TXNDC5: variants seen among roughly 807,000 people sequenced by gnomAD.
TXNDC5 encodes the protein thioredoxin domain containing 5, also known as thioredoxin domain-containing protein 5.
Under a neutral mutation model 52.6 loss-of-function variants are expected in TXNDC5, and 44 were observed. The observed-to-expected ratio is 0.84, with a 90% CI of 0.66 to 1.08. The LOEUF (loss-of-function observed/expected upper bound fraction) is 1.08, where lower values mean the gene tolerates loss of function less well. TXNDC5 is among the 50% of genes least tolerant of loss of function. The probability of loss-of-function intolerance (pLI) is 0.00; values close to 1 mark genes in which losing one functional copy is unlikely to be tolerated. For synonymous variants in TXNDC5, 241 were observed against 234.4 expected, an observed-to-expected ratio of 1.03 and a Z score of -0.26; for missense variants, 600 against 565.5, an observed-to-expected ratio of 1.06 and a Z score of -0.62.
In TXNDC5 at chr6:7,899,495, C is replaced by A. The variant is rs1760486454; in HGVS notation, c.519+81G>T. 5.8e-6 allele frequency: 6 copies of A among 1,038,952 alleles called. No homozygotes were observed. In the South Asian group the frequency reaches 9.7e-5, roughly 17 times the overall value. The allele number at this position is 1,038,952 out of a possible 1,614,324, so 64.4% of individuals were successfully genotyped here. The stretch of plus-strand genomic sequence containing the variant: ...AATCATTAACCTCAACTGGCCTCTG[C>A]CCCGTTACATATTACCCCAAAGATG... On this transcript the variant is annotated intron_variant, in intron 3 of 9. Coordinates refer to ENST00000379757, the MANE Select transcript of TXNDC5 (RefSeq NM_030810.5).
rs1057414583 is a variant in TXNDC5, at chr6:7,882,522, C to G, written c.*622G>C. On this transcript the variant is annotated 3_prime_UTR_variant, in exon 10 of 10. Transcript: ENST00000379757. ...TGGCATCAGCATTCTCTTACTCAGG[C>G]ACGGTCAGAAGTAACGCTGCTTTCA... 6.6e-6 allele frequency: 1 copy of G among 152,414 alleles called. No homozygotes were observed. The highest frequency in any genetic ancestry group is 1.5e-5 in the Non-Finnish European group (1 of 68,198). The allele number at this position is 152,414 out of a possible 1,614,324, so 9.4% of individuals were successfully genotyped here.
At position 7,891,678 on chromosome 6, in the gene TXNDC5, T is replaced by C; in HGVS notation, c.675A>G (p.Pro225=). Residue 225 remains proline (P), a synonymous_variant, in exon 5 of 10, where the codon CCA becomes CCG. Transcript: ENST00000379757. ...PWCGHCKALA[P]TWEQLALGLE... is the part of the protein sequence containing the mutation. The stretch of plus-strand genomic sequence containing the variant: ...GGCCCAGAGCCAGCTGCTCCCAGGT[T>C]GGAGCCAGGGCTTTGCAGTGACCAC... 6.2e-7 allele frequency: 1 copy of C among 1,614,032 alleles called. No homozygotes were observed.
chr6:7,907,612 C>T (rs955007511), intron 1 of TXNDC5, among the ~76,000 whole-genome samples: 12 of 152,322 alleles, frequency 7.9e-5, no homozygotes, highest in Admixed American at 7.8e-4. Context: ...CACCACTCCA[C>T]GGCAGCTGAA....
chr6:7,881,636 CTTGACAG>C lies in TXNDC5; in HGVS notation c.*1501_*1507del, dbSNP rs1017466802. Reference sequence around the variant, plus strand: ...AAGCTGAAGTTGTGTGTACAAGACTCTTGACAGTTGTGCTTCTCTAGGAGGTTGGGTT... The same window carrying C: ...AAGCTGAAGTTGTGTGTACAAGACTCTTGTGCTTCTCTAGGAGGTTGGGTT... On this transcript the variant is annotated 3_prime_UTR_variant, in exon 10 of 10. Coordinates refer to ENST00000379757, the MANE Select transcript of TXNDC5 (RefSeq NM_030810.5). 4.1e-5 allele frequency: 6 copies of C among 147,194 alleles called. No individual in the cohort carries two copies. The highest frequency in any genetic ancestry group is 5.9e-5 in the Non-Finnish European group (4 of 67,258). The allele number at this position is 147,194 out of a possible 1,614,324, so 9.1% of individuals were successfully genotyped here. A position where few individuals can be genotyped will look rare whatever the true frequency, so the allele number is the denominator to read the frequency against.
intron 2 of TXNDC5, among the ~76,000 whole-genome samples, chr6:7,902,911 T>C (rs1315924479): frequency 6.6e-6 from 1 of 152,228 alleles, no homozygotes; most frequent in African/African-American, 2.4e-5. Flanking sequence ...ATACCAACTA[T>C]GGAGTAGCTG....
At chr6:7,889,728 G>C (rs758257233) in intron 5 of TXNDC5, 147 bp from the exon 6 acceptor site, 183 of 619,694 alleles carry the variant, frequency 3.0e-4, no homozygotes, top group Non-Finnish European at 4.6e-4. Context: ...AGTTTTTGAA[G>C]AGAATGTTCC....
At chr6:7,898,672 A>C (rs1760455401) in intron 3 of TXNDC5, among the ~76,000 whole-genome samples, 1 of 152,178 alleles carries the variant, frequency 6.6e-6, no homozygotes, top group Non-Finnish European at 1.5e-5. Flanking sequence ...CCAACACAGC[A>C]GCATGACCCA....
chr6:7,900,642 C>T (rs1267155445), intron 2 of TXNDC5, among the ~76,000 whole-genome samples: 1 of 152,188 alleles, frequency 6.6e-6, no homozygotes, highest in African/African-American at 2.4e-5. Flanking sequence ...CAGAAGACCA[C>T]AGATTGGGTG....
chr6:7,886,105 T>C, intron 7 of TXNDC5, 62 bp from the exon 8 acceptor site: 3 of 1,462,086 alleles, frequency 2.1e-6, no homozygotes, highest in South Asian at 2.4e-5. Flanking sequence ...GGGCCATGCT[T>C]TGGGATTGCA....
At chr6:7,906,692 A>AAAC (rs1414551310) in intron 1 of TXNDC5, among the ~76,000 whole-genome samples, 9 of 151,978 alleles carry the variant, frequency 5.9e-5, no homozygotes, top group Admixed American at 5.9e-4. Context: ...AAGCACAATG[A>AAAC]AACTATACAT....
intron 7 of TXNDC5, 75 bp downstream of exon 7, chr6:7,888,630 C>A: frequency 2.0e-6 from 3 of 1,524,006 alleles, no homozygotes; most frequent in Non-Finnish European, 2.6e-6. Context: ...TTTGAGGAGG[C>A]CTCTGAGGGT....
chr6:7,892,315 G>A (rs1760222253), intron 4 of TXNDC5, among the ~76,000 whole-genome samples: 1 of 152,228 alleles, frequency 6.6e-6, no homozygotes, highest in Non-Finnish European at 1.5e-5. Flanking sequence ...AGGGAAACAT[G>A]TAGACCACAC....
At position 7,895,101 on chromosome 6, in the gene TXNDC5, C is replaced by T. The variant is rs924481607; in HGVS notation, c.616+5G>A. 1.9e-6 allele frequency: 3 copies of T among 1,613,478 alleles called. No individual in the cohort carries two copies. The highest frequency in any genetic ancestry group is 2.7e-5 in the African/African-American group (2 of 75,032). ...CTGAAGCTGGCATCAGGACGTCCCC[C>T]TTACCTTGTGCAACGTGCAGCTCAA... is the stretch of plus-strand genomic sequence containing the variant. On this transcript the variant is annotated splice_donor_5th_base_variant and intron_variant, in intron 4 of 9. Transcript: ENST00000379757.
At chr6:7,889,214 C>T (rs1364833672) in intron 6 of TXNDC5, 3 of 464,686 alleles carry the variant, frequency 6.5e-6, no homozygotes, top group Non-Finnish European at 7.7e-6. Flanking sequence ...GTTCAAAGGC[C>T]TGAAGGTTTG....
chr6:7,896,263 G>A (rs1284250841), intron 3 of TXNDC5, among the ~76,000 whole-genome samples: 1 of 152,206 alleles, frequency 6.6e-6, no homozygotes, highest in African/African-American at 2.4e-5. Flanking sequence ...GTCTCATACA[G>A]AAAGAGGGGG....
At chr6:7,910,484 G>A in intron 1 of TXNDC5, 30 bp downstream of exon 1, 1 of 1,400,630 alleles carries the variant, frequency 7.1e-7, no homozygotes, top group Non-Finnish European at 9.4e-7. Context: ...CGCCAAGTGC[G>A]GGGCAGGGCG....
At chr6:7,899,451 G>C in intron 3 of TXNDC5, 125 bp downstream of exon 3, 1 of 570,066 alleles carries the variant, frequency 1.8e-6, no homozygotes, top group Non-Finnish European at 2.9e-6. Flanking sequence ...AAGTAGAGTT[G>C]CTTTAAAATG....
chr6:7,881,531 AGTTT>A lies in TXNDC5; in HGVS notation c.*1609_*1612del, dbSNP rs1561802021. ...AAAGACCAGACTTTTAAAAAAAAAG[AGTTT>A]ATTTAGAAAGTATCATAGTGTAAAC... is the stretch of plus-strand genomic sequence containing the variant. On this transcript the variant is annotated 3_prime_UTR_variant, in exon 10 of 10. Transcript: ENST00000379757. 2.1e-5 allele frequency: 3 copies of A among 144,640 alleles called. No individual in the cohort carries two copies. Among genetic ancestry groups the A allele is most frequent in the South Asian group, 2.1e-4 (1 of 4,800 alleles). 9.0% of individuals were successfully genotyped at this position (144,640 alleles called of 1,614,324 possible).
In TXNDC5 at chr6:7,891,736, C is replaced by G. The variant is rs748326783; in HGVS notation, c.617G>C (p.Gly206Ala). 4 of 1,612,800 alleles carry G rather than the reference C, an allele frequency of 2.5e-6. No homozygotes were observed. The highest frequency in any genetic ancestry group is 1.1e-5 in the South Asian group (1 of 90,978). Residue 206 changes from glycine to alanine, a missense_variant and splice_region_variant, in exon 5 of 10, where the codon GGC (glycine) becomes GCC (alanine). Transcript: ENST00000379757. ...AGCGAAGAACTTGATAAAGTGGTCG[C>G]CTGGAGTGGAGAGCCAAGGCAGAGA... ...ASNFELHVAQ[G>A]DHFIKFFAPW...
Sources: gnomAD v4.1 joint callset for allele counts (sites outside exome capture counted in the v4.1 genomes callset) on GRCh38, gnomAD v4.1.1 for gene constraint, MANE v1.5 for transcripts, NCBI Gene and HGNC (gene_info 2026-07-23, HGNC 2026-07-21) for gene names.